Variants in NREP observed in about 807,000 individuals in gnomAD.
NREP encodes the protein neuronal regeneration-related protein.
NREP carries 5 observed loss-of-function variants against 8.6 expected under a neutral mutation model. That is an observed-to-expected ratio of 0.58 (90% confidence interval 0.30 to 1.22). The LOEUF (loss-of-function observed/expected upper bound fraction) is 1.22, where lower values mean the gene tolerates loss of function less well. NREP is among the 50% of genes most tolerant of loss of function. The probability of loss-of-function intolerance (pLI) is 0.07; values close to 1 mark genes in which losing one functional copy is unlikely to be tolerated. For missense variants in NREP, 86 were observed against 82.5 expected (o/e 1.04, Z -0.17); for synonymous variants, 27 against 28.0 (o/e 0.96, Z 0.11).
chr5:111,958,215 A>C (rs1756378812), intron 2 of NREP, among the ~76,000 whole-genome samples: 2 of 152,038 alleles, frequency 1.3e-5, no homozygotes, highest in African/African-American at 2.4e-5. Context: ...TATACTCTTA[A>C]ATTGTTAAGA....
intron 2 of NREP, among the ~76,000 whole-genome samples, chr5:111,905,605 C>T (rs565394829): frequency 1.3e-4 from 20 of 152,134 alleles, no homozygotes; most frequent in African/African-American, 4.8e-4. Context: ...ATGTAGACAG[C>T]AGCATTTTAA....
Position 111,915,193 on chromosome 5 carries a change from G to C in NREP, c.135+60081C>G, listed in dbSNP as rs1044359977. ...GTGCCTGAGAGTTTGCATTCCCCCA[G>C]GGTGGTTTTAAAACAATGATTGATG... On this transcript the variant is annotated intron_variant, in intron 2 of 3. Transcript: ENST00000395634. 2.0e-5 allele frequency among the ~76,000 whole-genome samples: 3 copies of C among 152,074 alleles called. No individual in the cohort carries two copies. The South Asian group carries it at 6.2e-4, about 32-fold the overall frequency.
intron 2 of NREP, among the ~76,000 whole-genome samples, chr5:111,880,617 T>C (rs1213116889): frequency 6.6e-6 from 1 of 152,164 alleles, no homozygotes; most frequent in African/African-American, 2.4e-5. Context: ...AACTAAATCC[T>C]TTAAGACCAT....
chr5:111,966,606 A>G (rs1415932593), intron 2 of NREP, among the ~76,000 whole-genome samples: 3 of 152,204 alleles, frequency 2.0e-5, no homozygotes, highest in Non-Finnish European at 2.9e-5. Flanking sequence ...GCAGAGTAAA[A>G]AGGCAGGATT....
intron 2 of NREP, among the ~76,000 whole-genome samples, chr5:111,840,151 TAC>T (rs756617116): frequency 2.0e-5 from 3 of 151,948 alleles, no homozygotes; most frequent in African/African-American, 4.8e-5. Flanking sequence ...ATATAATTTA[TAC>T]ACACACACAC....
chr5:111,787,707 G>C (rs6594539), intron 2 of NREP, among the ~76,000 whole-genome samples: 150,321 of 152,334 alleles, frequency 0.99, 74,206 homozygotes, highest in East Asian at 1. Context: ...TATTTTTGAG[G>C]ATGTTCTTCA....
chr5:111,878,748 C>T (rs1302654241), intron 2 of NREP, among the ~76,000 whole-genome samples: 1 of 152,196 alleles, frequency 6.6e-6, no homozygotes, highest in East Asian at 1.9e-4. Flanking sequence ...CCCCACCCCC[C>T]TGCCACTTGA....
chr5:111,823,912 ATT>A (rs995866109), intron 2 of NREP, among the ~76,000 whole-genome samples: 2 of 152,186 alleles, frequency 1.3e-5, no homozygotes, highest in African/African-American at 4.8e-5. Flanking sequence ...ATTTTTAGGT[ATT>A]TTACAAGTTT....
chr5:111,787,481 T>A (rs1176631110), intron 2 of NREP, among the ~76,000 whole-genome samples: 20 of 152,120 alleles, frequency 1.3e-4, no homozygotes, highest in Admixed American at 1.3e-3. Flanking sequence ...GAGTTGGGGA[T>A]AAGTACTGGA....
chr5:111,756,067 T>G, intron 1 of NREP: 1 of 1,199,258 alleles, frequency 8.3e-7, no homozygotes, highest in Non-Finnish European at 1.0e-6. Context: ...CTATTCTTAG[T>G]GTTTGGTTCA....
intron 2 of NREP, among the ~76,000 whole-genome samples, chr5:111,899,458 G>A (rs1320498209): frequency 1.3e-5 from 2 of 152,026 alleles, no homozygotes; most frequent in East Asian, 3.9e-4. Flanking sequence ...TGACCGCAGT[G>A]AGCTATGGCT....
intron 2 of NREP, among the ~76,000 whole-genome samples, chr5:111,774,851 A>C (rs1751319902): frequency 6.6e-6 from 1 of 152,208 alleles, no homozygotes; most frequent in Admixed American, 6.5e-5. Flanking sequence ...TGGACTTCTA[A>C]TCTGCAGATT....
intron 2 of NREP, among the ~76,000 whole-genome samples, chr5:111,774,689 G>A (rs892128418): frequency 5.9e-5 from 9 of 152,130 alleles, no homozygotes; most frequent in African/African-American, 1.4e-4. Context: ...TGGGGCCCTC[G>A]GCCTTGTGAC....
chr5:111,793,648 C>G (rs907351353), intron 2 of NREP, among the ~76,000 whole-genome samples: 2 of 152,134 alleles, frequency 1.3e-5, no homozygotes, highest in Non-Finnish European at 2.9e-5. Flanking sequence ...ACTGGGCAGA[C>G]TTTAGCCCAG....
chr5:111,817,804 CA>C (rs145517030), intron 2 of NREP, among the ~76,000 whole-genome samples: 6,769 of 56,322 alleles, frequency 0.12, 89 homozygotes, highest in African/African-American at 0.14. Context: ...GACTTCATCT[CA>C]AAAAAAAAAA....
intron 2 of NREP, among the ~76,000 whole-genome samples, chr5:111,742,408 G>C (rs1749739161): frequency 2.0e-5 from 3 of 152,088 alleles, no homozygotes; most frequent in Non-Finnish European, 4.4e-5. Flanking sequence ...GAAAGGAAAA[G>C]GAAATCTCCT....
At chr5:111,972,736 C>A (rs1397328962) in intron 2 of NREP, among the ~76,000 whole-genome samples, 2 of 152,046 alleles carry the variant, frequency 1.3e-5, no homozygotes, top group Non-Finnish European at 2.9e-5. Context: ...GAGTCTTGAC[C>A]CCCAGCTGCA....
At chr5:111,780,646 T>G (rs556326728) in intron 2 of NREP, among the ~76,000 whole-genome samples, 1 of 152,088 alleles carries the variant, frequency 6.6e-6, no homozygotes, top group African/African-American at 2.4e-5. Context: ...TTGTTTTGAG[T>G]GGTAGAGAAT....
intron 2 of NREP, among the ~76,000 whole-genome samples, chr5:111,974,866 G>A (rs531248761): frequency 6.6e-6 from 1 of 152,314 alleles, no homozygotes; most frequent in African/African-American, 2.4e-5. Context: ...GAGACAGAAA[G>A]CTAAGACATA....
Sources: gnomAD v4.1 joint callset for allele counts (sites outside exome capture counted in the v4.1 genomes callset) on GRCh38, gnomAD v4.1.1 for gene constraint, MANE v1.5 for transcripts, NCBI Gene and HGNC (gene_info 2026-07-23, HGNC 2026-07-21) for gene names.